The following SSX5 variants were observed in gnomAD, a reference collection of about 807,000 sequenced individuals.
The protein encoded by SSX5 is SSX family member 5.
In SSX5, 14 loss-of-function variants were observed where a neutral mutation model predicts 14.9. The observed-to-expected ratio is 0.94, with a 90% CI of 0.62 to 1.47. The LOEUF is 1.47. Among genes scored for constraint, SSX5 ranks in the 40% most tolerant of loss-of-function variants. The pLI, the probability that SSX5 is intolerant of heterozygous loss-of-function variation, is 0.00. For missense variants in SSX5, 204 were observed against 154.6 expected (o/e 1.32, Z -1.70); for synonymous variants, 70 against 55.4 (o/e 1.26, Z -1.17).
intron 4 of SSX5, among the ~76,000 whole-genome samples, chrX:48,193,521 G>T (rs781881737): frequency 9.0e-6 from 1 of 111,082 alleles, no homozygotes; most frequent in Admixed American, 9.7e-5. Context: ...GCTGCGGCGG[G>T]TGGATCACCT....
Position 48,194,858 on chromosome X carries a change from G to GAAAA in SSX5, c.70-8_70-5dup. Reference sequence around the variant, plus strand: ...ATTTGGCAATATCATCGAAGGCCTAGAAAAAAAAAAAGGATTTCTGATAGT... The same window carrying GAAAA: ...ATTTGGCAATATCATCGAAGGCCTAGAAAAAAAAAAAAAAAGGATTTCTGATAGT... On this transcript the variant is annotated splice_region_variant and splice_polypyrimidine_tract_variant and intron_variant, in intron 2 of 7. Coordinates refer to ENST00000347757, the MANE Select transcript of SSX5 (RefSeq NM_175723.2). The GAAAA allele has an allele frequency of 1.1e-6, 1 of 910,280 alleles. No individual in the cohort carries two copies. The highest frequency in any genetic ancestry group is 3.0e-5 in the Admixed American group (1 of 33,040). The allele number at this position is 910,280 out of a possible 1,213,427, so 75.0% of individuals were successfully genotyped here. A position where few individuals can be genotyped will look rare whatever the true frequency, so the allele number is the denominator to read the frequency against.
intron 1 of SSX5, among the ~76,000 whole-genome samples, chrX:48,196,116 G>A (rs148475616): frequency 1.8e-5 from 2 of 109,755 alleles, no homozygotes; most frequent in African/African-American, 6.6e-5. Flanking sequence ...CAAAACTCTC[G>A]TGTCTACAAA....
intron 6 of SSX5, among the ~76,000 whole-genome samples, chrX:48,188,000 G>C (rs112204202): frequency 8.9e-6 from 1 of 111,945 alleles, no homozygotes; most frequent in Non-Finnish European, 1.9e-5. Context: ...CTTCACTTAC[G>C]GGAACATTCA....
rs1321539987 is a variant in SSX5 at position 48,186,500 on chromosome X, G to C, written c.*361C>G. ...AATTAAACACTCAGAACTGCCCTCA[G>C]TGGTCACATCTGGGAAGAGAGGAGG... On this transcript the variant is annotated 3_prime_UTR_variant, in exon 8 of 8. Transcript: ENST00000347757. 7 of 364,914 alleles carry C rather than the reference G, an allele frequency of 1.9e-5. No homozygotes were observed. The East Asian group carries it at 2.9e-4, about 15-fold the overall frequency. The allele number at this position is 364,914 out of a possible 1,213,427, so 30.1% of individuals were successfully genotyped here.
At chrX:48,195,653 T>C (rs2059438144) in intron 1 of SSX5, among the ~76,000 whole-genome samples, 3 of 111,452 alleles carry the variant, frequency 2.7e-5, no homozygotes, top group Admixed American at 9.5e-5. Flanking sequence ...TTGTTAGTAG[T>C]TTCCCTGAGG....
rs782087783 is a variant in SSX5, at chrX:48,194,181, G to A, written c.228C>T (p.Val76=). ...CAAAATCATTCCCCTGGAAGTCTGC[G>A]ACCCGTTTATTACGCATGAAAGGTG... ...TLPPFMRNKR[V]ADFQGNDFDN... Residue 76 remains valine (V), a synonymous_variant, in exon 4 of 8, where the codon GTC becomes GTT. Transcript: ENST00000347757. 12 of 1,207,899 alleles carry A rather than the reference G, an allele frequency of 9.9e-6. No individual in the cohort carries two copies. Among genetic ancestry groups the A allele is most frequent in the African/African-American group, 7.1e-5 (4 of 56,627 alleles).
chrX:48,186,333 A>G lies in SSX5; in HGVS notation c.*528T>C, dbSNP rs2059395602. ...GGGGCTTGACCAGGACACATGGGGA[A>G]AAGCAGTTGGGAGATGCCTATACTG... is the stretch of plus-strand genomic sequence containing the variant. On this transcript the variant is annotated 3_prime_UTR_variant, in exon 8 of 8. Transcript: ENST00000347757. 1 of 192,846 alleles carries G rather than the reference A, an allele frequency of 5.2e-6. No individual in the cohort carries two copies. Among genetic ancestry groups the G allele is most frequent in the Non-Finnish European group, 9.5e-6 (1 of 105,799 alleles). 15.9% of individuals were successfully genotyped at this position (192,846 alleles called of 1,213,427 possible).
chrX:48,186,624 A>G lies in SSX5; in HGVS notation c.*237T>C, dbSNP rs1432828470. ...AATATGCATTAAGTATGTCTTGCTC[A>G]TCAGTGAAAACGCTAATATCTAACA... is the stretch of plus-strand genomic sequence containing the variant. On this transcript the variant is annotated 3_prime_UTR_variant, in exon 8 of 8. Coordinates refer to ENST00000347757, the MANE Select transcript of SSX5 (RefSeq NM_175723.2). 5.3e-6 allele frequency: 3 copies of G among 561,735 alleles called. No homozygotes were observed. The highest frequency in any genetic ancestry group is 1.1e-3 in the Middle Eastern group (2 of 1,876). 46.3% of individuals were successfully genotyped at this position (561,735 alleles called of 1,213,427 possible). A position where few individuals can be genotyped will look rare whatever the true frequency, so the allele number is the denominator to read the frequency against.
chrX:48,187,754 G>A (rs782573919), intron 6 of SSX5, 23 bp from the exon 7 acceptor site: 1 of 1,199,394 alleles, frequency 8.3e-7, no homozygotes, highest in Non-Finnish European at 1.1e-6. Flanking sequence ...AGAGTTGGAA[G>A]ATGAGGGTTG....
rs1341018272 is a variant in SSX5 at position 48,192,335 on chromosome X, A to G, written c.281-54T>C. ...TTGTTGGTAAAGATTTCCAAACTCT[A>G]GAGAGACTTCAGTTGCATGAGGGCA... On this transcript the variant is annotated intron_variant, in intron 4 of 7. Coordinates refer to ENST00000347757, the MANE Select transcript of SSX5 (RefSeq NM_175723.2). 5.8e-6 allele frequency: 7 copies of G among 1,200,985 alleles called. No individual in the cohort carries two copies. The East Asian group carries it at 8.9e-5, about 15-fold the overall frequency.
intron 3 of SSX5, 151 bp from the exon 4 acceptor site, chrX:48,194,375 C>T: frequency 3.4e-6 from 2 of 586,672 alleles, no homozygotes; most frequent in Non-Finnish European, 5.6e-6. Flanking sequence ...GATTGCACTA[C>T]TGCACTCTAG....
Position 48,190,270 on chromosome X carries a change from T to C in SSX5, c.331-2A>G. Reference sequence around the variant, plus strand: ...CTCTGCTGGCTTCTCGGGCGTGATCTTTATAATGTGAAGGTCACAGATAAA... The same window carrying C: ...CTCTGCTGGCTTCTCGGGCGTGATCCTTATAATGTGAAGGTCACAGATAAA... On this transcript the variant is annotated splice_acceptor_variant, in intron 5 of 7. Transcript: ENST00000347757. LOFTEE classifies it high-confidence loss of function. 1 of 1,196,438 alleles carries C rather than the reference T, an allele frequency of 8.4e-7. No individual in the cohort carries two copies. The highest frequency in any genetic ancestry group is 1.1e-6 in the Non-Finnish European group (1 of 889,630).
chrX:48,194,088 C>G (rs782148675), intron 4 of SSX5, 41 bp downstream of exon 4: 199 of 1,190,117 alleles, frequency 1.7e-4, no homozygotes, highest in South Asian at 3.9e-4. Flanking sequence ...AAAGCAGTTG[C>G]GCTTGAGGAG....
chrX:48,187,473 A>T (rs782096126), intron 7 of SSX5, among the ~76,000 whole-genome samples, 154 bp downstream of exon 7: 1 of 109,405 alleles, frequency 9.1e-6, no homozygotes, highest in Non-Finnish European at 1.9e-5. Context: ...ACAAAAAAAA[A>T]CATGGGAAAT....
At chrX:48,194,693 G>A in intron 3 of SSX5, 47 bp downstream of exon 3, 1 of 1,138,745 alleles carries the variant, frequency 8.8e-7, no homozygotes, top group Non-Finnish European at 1.2e-6. Flanking sequence ...CTGGAAAAGG[G>A]ATGCTCATGT....
Position 48,186,401 on chromosome X carries a change from T to TGCGCGC in SSX5, c.*459_*460insGCGCGC, listed in dbSNP as rs1491394702. On this transcript the variant is annotated 3_prime_UTR_variant, in exon 8 of 8. Coordinates refer to ENST00000347757, the MANE Select transcript of SSX5 (RefSeq NM_175723.2). ...GTGTGTGTGTGTGTGTGTGTGTGTGTGTGCGCGCGCGCGCGCATGTGTGTC... is the reference window on the plus strand; with the variant it reads ...GTGTGTGTGTGTGTGTGTGTGTGTGTGCGCGCGTGCGCGCGCGCGCGCATGTGTGTC... 1 of 189,184 alleles carries TGCGCGC rather than the reference T, an allele frequency of 5.3e-6. No individual in the cohort carries two copies. Among genetic ancestry groups the TGCGCGC allele is most frequent in the African/African-American group, 4.0e-5 (1 of 25,228 alleles). The allele number at this position is 189,184 out of a possible 1,213,427, so 15.6% of individuals were successfully genotyped here.
In SSX5 at chrX:48,196,713, A is replaced by C. The variant is rs1201369602; in HGVS notation, c.-21+18T>G. On this transcript the variant is annotated intron_variant, in intron 1 of 7. Coordinates refer to ENST00000347757, the MANE Select transcript of SSX5 (RefSeq NM_175723.2). ...GAGGGGTAGGAAGAATGGAAAAAGAAAATCAGCAAATGCTTACTCTGATTT... is the reference window on the plus strand; with the variant it reads ...GAGGGGTAGGAAGAATGGAAAAAGACAATCAGCAAATGCTTACTCTGATTT... The C allele has an allele frequency of 2.7e-5, 3 of 111,462 alleles. No homozygotes were observed. The highest frequency in any genetic ancestry group is 5.6e-5 in the Non-Finnish European group (3 of 53,179). 9.2% of individuals were successfully genotyped at this position (111,462 alleles called of 1,213,427 possible).
At position 48,186,395 on chromosome X, in the gene SSX5, TGTGTGTGTGCGC is replaced by T. The variant is rs1410852358; in HGVS notation, c.*454_*465del. On this transcript the variant is annotated 3_prime_UTR_variant, in exon 8 of 8. Transcript: ENST00000347757. ...GTGTGTGTGTGTGTGTGTGTGTGTGTGTGTGTGTGCGCGCGCGCGCGCATGTGTGTCTGTGTG... is the reference window on the plus strand; with the variant it reads ...GTGTGTGTGTGTGTGTGTGTGTGTGTGCGCGCGCGCATGTGTGTCTGTGTG... 4.0e-4 allele frequency: 96 copies of T among 237,930 alleles called. No homozygotes were observed. The East Asian group carries it at 6.6e-3, about 16-fold the overall frequency. 19.6% of individuals were successfully genotyped at this position (237,930 alleles called of 1,213,427 possible).
Position 48,190,277 on chromosome X carries a change from T to G in SSX5, c.331-9A>C. The G allele has an allele frequency of 1.7e-6, 2 of 1,193,881 alleles. No individual in the cohort carries two copies. The highest frequency in any genetic ancestry group is 2.3e-6 in the Non-Finnish European group (2 of 888,624). On this transcript the variant is annotated splice_polypyrimidine_tract_variant and intron_variant, in intron 5 of 7. Transcript: ENST00000347757. ...GGCTTCTCGGGCGTGATCTTTATAA[T>G]GTGAAGGTCACAGATAAACAGTATC... is the stretch of plus-strand genomic sequence containing the variant.
Sources: gnomAD v4.1 joint callset for allele counts (sites outside exome capture counted in the v4.1 genomes callset) on GRCh38, gnomAD v4.1.1 for gene constraint, MANE v1.5 for transcripts, NCBI Gene and HGNC (gene_info 2026-07-23, HGNC 2026-07-21) for gene names.